Variants in TMEM26 observed in about 807,000 individuals in gnomAD.
TMEM26 encodes the protein transmembrane protein 26.
A neutral mutation model predicts 28.8 loss-of-function variants in TMEM26; 38 were observed. The observed-to-expected ratio is 1.32, with a 90% CI of 1.02 to 1.73. TMEM26 has a LOEUF of 1.73. TMEM26 is among the 40% of genes most tolerant of loss of function. TMEM26 has a pLI of 0.00. For synonymous variants in TMEM26, 227 were observed against 182.9 expected, an observed-to-expected ratio of 1.24 and a Z score of -1.95; for missense variants, 518 against 447.1, an observed-to-expected ratio of 1.16 and a Z score of -1.43.
At chr10:61,439,151 G>A (rs898358281) in intron 1 of TMEM26, among the ~76,000 whole-genome samples, 4 of 152,174 alleles carry the variant, frequency 2.6e-5, no homozygotes, top group Non-Finnish European at 4.4e-5. Flanking sequence ...TCTCTTGCAC[G>A]TCTATCCACC....
At chr10:61,420,795 A>T (rs144045157) in intron 4 of TMEM26, among the ~76,000 whole-genome samples, 1 of 152,072 alleles carries the variant, frequency 6.6e-6, no homozygotes, top group East Asian at 1.9e-4. Flanking sequence ...AAAGTCTTTC[A>T]GGTCGAAAGG....
Position 61,410,361 on chromosome 10 carries a change from G to A in TMEM26, c.1068C>T (p.Gly356=), listed in dbSNP as rs923111702. ...GGGAGTCGTCGGAGGTGACTGGGGA[G>A]CCCCGCAAAGGAATAGCCAGGCCCT... ...SKEGLAIPLR[G]SPVTSDDSHH... The change falls in exon 6 of 6, where the codon GGC becomes GGT. Residue 356 remains glycine, a synonymous_variant. Transcript: ENST00000399298. 1.2e-6 allele frequency: 2 copies of A among 1,613,762 alleles called. No individual in the cohort carries two copies.
At chr10:61,447,063 G>C (rs530835834) in intron 1 of TMEM26, among the ~76,000 whole-genome samples, 1 of 152,198 alleles carries the variant, frequency 6.6e-6, no homozygotes, top group South Asian at 2.1e-4. Context: ...GAGATTTCAG[G>C]CAACTTGGAC....
chr10:61,427,337 C>T (rs1564476690), intron 4 of TMEM26, among the ~76,000 whole-genome samples: 1 of 151,958 alleles, frequency 6.6e-6, no homozygotes, highest in Non-Finnish European at 1.5e-5. Context: ...TGAGATAGGA[C>T]TGTGTGTCCT....
chr10:61,410,440 GCCCGGCAACCATGTT>G lies in TMEM26; in HGVS notation c.974_988del (p.Glu325_Arg329del). On this transcript the variant is annotated inframe_deletion, in exon 6 of 6. Coordinates refer to ENST00000399298, the MANE Select transcript of TMEM26 (RefSeq NM_178505.8). The stretch of plus-strand genomic sequence containing the variant: ...AGAGGGCCCACTCTCAGAGGTCTGT[GCCCGGCAACCATGTT>G]CTCCTTTCAGGCCTTCTGACTGACT... 6.2e-7 allele frequency: 1 copy of G among 1,614,110 alleles called. No individual in the cohort carries two copies. Among genetic ancestry groups the G allele is most frequent in the Non-Finnish European group, 8.5e-7 (1 of 1,180,032 alleles).
intron 4 of TMEM26, among the ~76,000 whole-genome samples, chr10:61,428,359 C>T (rs1277191054): frequency 1.3e-5 from 2 of 152,020 alleles, no homozygotes; most frequent in Non-Finnish European, 2.9e-5. Flanking sequence ...GGCCTCTACA[C>T]CAGAAAGCCT....
intron 1 of TMEM26, among the ~76,000 whole-genome samples, chr10:61,438,953 T>A (rs1341550140): frequency 6.6e-6 from 1 of 152,172 alleles, no homozygotes; most frequent in Non-Finnish European, 1.5e-5. Flanking sequence ...GAAAAAGGAA[T>A]CATATTGAGG....
Position 61,409,920 on chromosome 10 carries a change from G to T in TMEM26, c.*402C>A. ...CATTTTTTGATGTCAGAGGAACATT[G>T]CAGAAAAGATCAGACGAAATAGTCT... On this transcript the variant is annotated 3_prime_UTR_variant, in exon 6 of 6. Coordinates refer to ENST00000399298, the MANE Select transcript of TMEM26 (RefSeq NM_178505.8). 5.4e-6 allele frequency: 1 copy of T among 185,716 alleles called. No homozygotes were observed. The allele number at this position is 185,716 out of a possible 1,614,324, so 11.5% of individuals were successfully genotyped here.
intron 2 of TMEM26, 107 bp downstream of exon 2, chr10:61,436,063 G>T (rs1327822593): frequency 5.7e-6 from 3 of 528,774 alleles, no homozygotes; most frequent in African/African-American, 3.9e-5. Flanking sequence ...TTCAATTCTT[G>T]CTAACTCCAG....
Position 61,410,739 on chromosome 10 carries a change from G to C in TMEM26, c.690C>G (p.Asn230Lys), listed in dbSNP as rs201322680. 1.2e-6 allele frequency: 2 copies of C among 1,613,732 alleles called. No individual in the cohort carries two copies. The highest frequency in any genetic ancestry group is 1.7e-6 in the Non-Finnish European group (2 of 1,179,816). ...CTGTCACAGACACAGGGCACACAAC[G>C]TTCTGTACTGAAAACACAAGACAGA... ...LQFPLDLAVQ[N>K]VVCPVSVTER... The change falls in exon 6 of 6, where the codon AAC becomes AAG. Residue 230 changes from asparagine (N) to lysine (K), a missense_variant. Asn to Lys is a moderately conservative substitution (Grantham distance 94). Transcript: ENST00000399298.
intron 4 of TMEM26, chr10:61,415,006 G>T: frequency 1.0e-6 from 1 of 985,368 alleles, no homozygotes; most frequent in Non-Finnish European, 1.2e-6. Context: ...GTTGAAGGCT[G>T]TGCTTTTGAT....
At chr10:61,441,645 T>C (rs1197690024) in intron 1 of TMEM26, among the ~76,000 whole-genome samples, 6 of 152,314 alleles carry the variant, frequency 3.9e-5, no homozygotes, top group African/African-American at 1.4e-4. Context: ...TAACTGTTTA[T>C]AAACATACAA....
chr10:61,431,059 A>C (rs1343590542), intron 3 of TMEM26, among the ~76,000 whole-genome samples, 160 bp downstream of exon 3: 1 of 152,028 alleles, frequency 6.6e-6, no homozygotes. Context: ...TAAATGTTTA[A>C]TAATTTAAAA....
In TMEM26 at chr10:61,440,759, G is replaced by A. The variant is rs77489626; in HGVS notation, c.192-4511C>T. Among the ~76,000 whole-genome samples the A allele has an allele frequency of 6.6e-3, 1,005 of 152,106 alleles. 31 individuals carry two copies. Among genetic ancestry groups the A allele is most frequent in the East Asian group, 0.062 (321 of 5,174 alleles). The stretch of plus-strand genomic sequence containing the variant: ...TATGTATATGTGTGTATTTGATATC[G>A]TTTAAGTGTTGACTCCAAGCAATTC... On this transcript the variant is annotated intron_variant, in intron 1 of 5. Transcript: ENST00000399298.
At position 61,436,218 on chromosome 10, in the gene TMEM26, A is replaced by C. The variant is rs752028960; in HGVS notation, c.222T>G (p.Ile74Met). ...GAAGCCATAATGATGGAACGATGCTAATCAGATATAAAAATATGGCTGGTG... is the reference window on the plus strand; with the variant it reads ...GAAGCCATAATGATGGAACGATGCTCATCAGATATAAAAATATGGCTGGTG... ...WFSPAIFLYL[I>M]SIVPSLWLLE... is the part of the protein sequence containing the mutation. Residue 74 changes from isoleucine (I) to methionine (M), a missense_variant, in exon 2 of 6, where the codon ATT becomes ATG. Physicochemically the swap from Ile to Met is conservative, Grantham distance 10. Transcript: ENST00000399298. 1.5e-5 allele frequency: 24 copies of C among 1,608,128 alleles called. No homozygotes were observed. Among genetic ancestry groups the C allele is most frequent in the Non-Finnish European group, 1.9e-5 (22 of 1,176,996 alleles).
rs1589024576 is a variant in TMEM26 at position 61,413,457 on chromosome 10, A to G, written c.682+2T>C. On this transcript the variant is annotated splice_donor_variant, in intron 5 of 5. Transcript: ENST00000399298. LOFTEE classifies it high-confidence loss of function. ...TCTTTGCACAAACATCAGGATACTT[A>G]CCTGCCAGGTCAAGTGGAAACTGCA... 3.1e-6 allele frequency: 5 copies of G among 1,612,626 alleles called. No homozygotes were observed. Among genetic ancestry groups the G allele is most frequent in the Non-Finnish European group, 4.2e-6 (5 of 1,179,152 alleles).
chr10:61,415,021 T>C lies in TMEM26; in HGVS notation c.606-1486A>G, dbSNP rs570588530. On this transcript the variant is annotated intron_variant, in intron 4 of 5. Transcript: ENST00000399298. Reference sequence around the variant, plus strand: ...GTTGAAGGCTGTGCTTTTGATTCTTTTCTACTTCACATTTTATCATGACTT... The same window carrying C: ...GTTGAAGGCTGTGCTTTTGATTCTTCTCTACTTCACATTTTATCATGACTT... The C allele has an allele frequency of 1.1e-3, 1,069 of 985,392 alleles. 2 individuals are homozygous for C. The highest frequency in any genetic ancestry group is 1.5e-3 in the Admixed American group (25 of 16,256). 61.0% of individuals were successfully genotyped at this position (985,392 alleles called of 1,614,324 possible).
chr10:61,434,499 C>T (rs1470432405), intron 2 of TMEM26, among the ~76,000 whole-genome samples: 1 of 152,126 alleles, frequency 6.6e-6, no homozygotes, highest in East Asian at 1.9e-4. Flanking sequence ...AGAATTGATT[C>T]AAATCACTAG....
At position 61,453,148 on chromosome 10, in the gene TMEM26, A is replaced by T; in HGVS notation, c.-67T>A. ...CCAGGACCCTGCCGGGCGTGCCCGG[A>T]GCCCACCGGTGAGCAGGAATATGAC... On this transcript the variant is annotated 5_prime_UTR_variant, in exon 1 of 6. Transcript: ENST00000399298. 1 of 1,528,186 alleles carries T rather than the reference A, an allele frequency of 6.5e-7. No homozygotes were observed. Among genetic ancestry groups the T allele is most frequent in the Non-Finnish European group, 8.9e-7 (1 of 1,121,366 alleles). The allele number at this position is 1,528,186 out of a possible 1,614,324, so 94.7% of individuals were successfully genotyped here. A position where few individuals can be genotyped will look rare whatever the true frequency, so the allele number is the denominator to read the frequency against.
Sources: gnomAD v4.1 joint callset for allele counts (sites outside exome capture counted in the v4.1 genomes callset) on GRCh38, gnomAD v4.1.1 for gene constraint, MANE v1.5 for transcripts, NCBI Gene and HGNC (gene_info 2026-07-23, HGNC 2026-07-21) for gene names.